The following KCTD20 variants were observed in gnomAD, a reference collection of about 807,000 sequenced individuals.
KCTD20 encodes potassium channel tetramerization domain containing 20.
A neutral mutation model predicts 39.6 loss-of-function variants in KCTD20; 30 were observed. The ratio of observed to expected loss-of-function variants is 0.76; its 90% CI spans 0.57 to 1.03. The LOEUF is 1.03. Among genes scored for constraint, KCTD20 ranks in the 50% least tolerant of loss-of-function variants. KCTD20 has a pLI of 0.00. For missense variants in KCTD20, 422 were observed against 522.0 expected (o/e 0.81, Z 1.87); for synonymous variants, 162 against 180.6 (o/e 0.90, Z 0.83).
intron 1 of KCTD20, among the ~76,000 whole-genome samples, chr6:36,449,430 G>A (rs1775167584): frequency 6.6e-6 from 1 of 151,858 alleles, no homozygotes; most frequent in African/African-American, 2.4e-5. Flanking sequence ...TTTTTACATA[G>A]TGCTGATTGG....
intron 1 of KCTD20, among the ~76,000 whole-genome samples, chr6:36,455,830 TCAGGCCCACC>T (rs1471152704): frequency 6.6e-6 from 1 of 152,158 alleles, no homozygotes; most frequent in Non-Finnish European, 1.5e-5. Flanking sequence ...ACTGATTGGA[TCAGGCCCACC>T]CAGATTATCT....
chr6:36,467,943 C>G (rs1226839604), intron 1 of KCTD20, among the ~76,000 whole-genome samples: 2 of 152,036 alleles, frequency 1.3e-5, no homozygotes, highest in Non-Finnish European at 2.9e-5. Flanking sequence ...TTTTTAAAAA[C>G]TGTATGCTTT....
chr6:36,483,263 C>CTT (rs766717414), intron 6 of KCTD20, among the ~76,000 whole-genome samples: 6,662 of 76,412 alleles, frequency 0.087, 232 homozygotes, highest in South Asian at 0.15. Flanking sequence ...GTGGCTTTTT[C>CTT]TTTTTTTTTT....
At chr6:36,473,126 T>C (rs565671031) in intron 2 of KCTD20, among the ~76,000 whole-genome samples, 1 of 151,954 alleles carries the variant, frequency 6.6e-6, no homozygotes, top group African/African-American at 2.4e-5. Flanking sequence ...AGTGGCGCGA[T>C]CTCGGCTCAC....
rs1170035659 is a variant in KCTD20 at position 36,474,815 on chromosome 6, C to A, written c.187C>A (p.Pro63Thr). The change falls in exon 3 of 8, where the codon CCA (proline) becomes ACA (threonine). Residue 63 changes from proline (P) to threonine (T), a missense_variant. Coordinates refer to ENST00000373731, the MANE Select transcript of KCTD20 (RefSeq NM_173562.5). Reference protein sequence around the residue: ...EDLSLDYASQPANLQFPHIMP... With the variant: ...EDLSLDYASQTANLQFPHIMP... The stretch of plus-strand genomic sequence containing the variant: ...CCTCTCACTTGACTATGCCTCTCAG[C>A]CAGCAAATCTTCAGTTCCCTCACAT... 6.2e-7 allele frequency: 1 copy of A among 1,611,832 alleles called. No homozygotes were observed. The highest frequency in any genetic ancestry group is 1.1e-5 in the South Asian group (1 of 90,904).
rs1301679697 is a variant in KCTD20, at chr6:36,487,790, A to G, written c.*615A>G. On this transcript the variant is annotated 3_prime_UTR_variant, in exon 8 of 8. Coordinates refer to ENST00000373731, the MANE Select transcript of KCTD20 (RefSeq NM_173562.5). Reference sequence around the variant, plus strand: ...TCATTAATGCAGTGAACAATTCAAAACCACACAGATTCCTTGGCAGGAAGG... The same window carrying G: ...TCATTAATGCAGTGAACAATTCAAAGCCACACAGATTCCTTGGCAGGAAGG... 1.3e-5 allele frequency: 2 copies of G among 152,242 alleles called. No individual in the cohort carries two copies. The highest frequency in any genetic ancestry group is 4.8e-5 in the African/African-American group (2 of 41,466). 9.4% of individuals were successfully genotyped at this position (152,242 alleles called of 1,614,324 possible). A position where few individuals can be genotyped will look rare whatever the true frequency, so the allele number is the denominator to read the frequency against.
intron 3 of KCTD20, among the ~76,000 whole-genome samples, chr6:36,477,795 A>G (rs1377498895): frequency 6.9e-6 from 1 of 145,658 alleles, no homozygotes; most frequent in Non-Finnish European, 1.5e-5. Context: ...AAATGGAATC[A>G]TTTTCAGACC....
At chr6:36,463,835 A>G (rs1187225490) in intron 1 of KCTD20, among the ~76,000 whole-genome samples, 2 of 152,222 alleles carry the variant, frequency 1.3e-5, no homozygotes, top group East Asian at 1.9e-4. Flanking sequence ...TAGCAGCACA[A>G]ATGGACTAAG....
chr6:36,446,820 T>C (rs1192953246), intron 1 of KCTD20, among the ~76,000 whole-genome samples: 1 of 152,328 alleles, frequency 6.6e-6, no homozygotes, highest in African/African-American at 2.4e-5. Context: ...AATTAAACAC[T>C]GTAGGATTGA....
At chr6:36,477,346 C>T (rs765686475) in intron 3 of KCTD20, among the ~76,000 whole-genome samples, 26 of 152,188 alleles carry the variant, frequency 1.7e-4, no homozygotes, top group Non-Finnish European at 3.5e-4. Flanking sequence ...TTATTCAGAG[C>T]TCTCTGAGCT....
Position 36,490,363 on chromosome 6 carries a change from C to G in KCTD20, c.*3188C>G, listed in dbSNP as rs912569717. ...CAGCCTGGCCAACATGGTGAAACCC[C>G]GTCTCTACTAAAAATACAAAAAAAT... is the stretch of plus-strand genomic sequence containing the variant. On this transcript the variant is annotated 3_prime_UTR_variant, in exon 8 of 8. Coordinates refer to ENST00000373731, the MANE Select transcript of KCTD20 (RefSeq NM_173562.5). 2.0e-5 allele frequency: 3 copies of G among 151,444 alleles called. No individual in the cohort carries two copies. The highest frequency in any genetic ancestry group is 7.3e-5 in the African/African-American group (3 of 41,156). 9.4% of individuals were successfully genotyped at this position (151,444 alleles called of 1,614,324 possible).
intron 5 of KCTD20, 88 bp from the exon 6 acceptor site, chr6:36,481,474 A>G (rs972797838): frequency 2.2e-5 from 21 of 954,030 alleles, no homozygotes; most frequent in East Asian, 1.7e-4. Context: ...CTCATCAATG[A>G]TAACAGCCAT....
chr6:36,474,324 T>C (rs1374444109), intron 2 of KCTD20, among the ~76,000 whole-genome samples: 1 of 150,552 alleles, frequency 6.6e-6, no homozygotes, highest in African/African-American at 2.4e-5. Context: ...TGGCACATAT[T>C]AGTAGCAGGT....
At chr6:36,456,022 T>G (rs1775423724) in intron 1 of KCTD20, among the ~76,000 whole-genome samples, 1 of 152,222 alleles carries the variant, frequency 6.6e-6, no homozygotes, top group Non-Finnish European at 1.5e-5. Flanking sequence ...TCTTGAGTCT[T>G]GGCCACTTCA....
chr6:36,444,523 A>G (rs1053762753), intron 1 of KCTD20, among the ~76,000 whole-genome samples: 1 of 151,974 alleles, frequency 6.6e-6, no homozygotes, highest in Non-Finnish European at 1.5e-5. Flanking sequence ...CATTAGGCCA[A>G]ATCTCCTCCG....
intron 1 of KCTD20, among the ~76,000 whole-genome samples, chr6:36,466,261 C>T (rs1217751070): frequency 1.3e-5 from 2 of 151,750 alleles, no homozygotes; most frequent in Non-Finnish European, 1.5e-5. Flanking sequence ...CGGGGTTTCA[C>T]CATGTTGGCC....
In KCTD20 at chr6:36,469,989, ACC is replaced by A; in HGVS notation, c.-46-62_-46-61del. 1 of 991,410 alleles carries A rather than the reference ACC, an allele frequency of 1.0e-6. No individual in the cohort carries two copies. Among genetic ancestry groups the A allele is most frequent in the Non-Finnish European group, 1.4e-6 (1 of 707,366 alleles). The allele number at this position is 991,410 out of a possible 1,614,324, so 61.4% of individuals were successfully genotyped here. A position where few individuals can be genotyped will look rare whatever the true frequency, so the allele number is the denominator to read the frequency against. ...GTCAGTTTTCTAGTTTTGCTTTCAT[ACC>A]ATGGAATTCCTTAGAAATCTGTTTT... On this transcript the variant is annotated intron_variant, in intron 1 of 7. Coordinates refer to ENST00000373731, the MANE Select transcript of KCTD20 (RefSeq NM_173562.5). The surrounding 1 kb of genome is among the most constrained non-coding windows in gnomAD (Gnocchi z 4.6).
intron 3 of KCTD20, among the ~76,000 whole-genome samples, chr6:36,476,977 T>C (rs561653533): frequency 9.2e-5 from 14 of 152,304 alleles, no homozygotes; most frequent in African/African-American, 3.4e-4. Flanking sequence ...AGGCAAATGT[T>C]TTCTGGGTAA....
At chr6:36,484,952 T>A (rs572393119) in intron 7 of KCTD20, 128 bp downstream of exon 7, 1 of 613,016 alleles carries the variant, frequency 1.6e-6, no homozygotes, top group East Asian at 2.7e-5. Flanking sequence ...TTACTCAAGT[T>A]TGAATGTTCC....
Sources: gnomAD v4.1 joint callset for allele counts (sites outside exome capture counted in the v4.1 genomes callset) on GRCh38, gnomAD v4.1.1 for gene constraint, Gnocchi (gnomAD v3.1) non-coding constraint, MANE v1.5 for transcripts, NCBI Gene and HGNC (gene_info 2026-07-23, HGNC 2026-07-21) for gene names.